The following SEM1 variants were observed in gnomAD, a reference collection of about 807,000 sequenced individuals.
SEM1 encodes SEM1 26S proteasome subunit.
SEM1 carries 3 observed loss-of-function variants against 12.7 expected under a neutral mutation model. That is an observed-to-expected ratio of 0.24 (90% CI 0.11 to 0.61). The LOEUF (loss-of-function observed/expected upper bound fraction) is 0.61. SEM1 is among the 20% of genes least tolerant of loss of function. SEM1 has a pLI of 0.88. For synonymous variants in SEM1, 30 were observed against 27.8 expected, an observed-to-expected ratio of 1.08 and a Z score of -0.25; for missense variants, 59 against 81.3, an observed-to-expected ratio of 0.73 and a Z score of 1.06.
downstream of SEM1, among the ~76,000 whole-genome samples, chr7:96,669,403 A>T (rs1184013646): frequency 6.6e-6 from 1 of 152,184 alleles, no homozygotes; most frequent in Non-Finnish European, 1.5e-5. Context: ...GTTCCATCAA[A>T]CTTTATTTAT....
upstream of SEM1, among the ~76,000 whole-genome samples, chr7:96,497,327 G>A (rs553862324): frequency 1.1e-4 from 17 of 151,952 alleles, no homozygotes; most frequent in Non-Finnish European, 2.2e-4. Flanking sequence ...CATACCTTAA[G>A]CAGGATTTTA....
intron 2 of SEM1, among the ~76,000 whole-genome samples, chr7:96,677,771 A>T (rs1009801295): frequency 1.3e-5 from 2 of 152,030 alleles, no homozygotes; most frequent in Non-Finnish European, 2.9e-5. Flanking sequence ...AGGGTGGGGA[A>T]GGGGAGTAGG....
At chr7:96,701,233 C>T (rs951705484) in intron 1 of SEM1, among the ~76,000 whole-genome samples, 1 of 151,960 alleles carries the variant, frequency 6.6e-6, no homozygotes, top group Admixed American at 6.6e-5. Context: ...AATCTTTGTA[C>T]CCTGGCCCCC....
chr7:96,672,151 T>G (rs1382632818), downstream of SEM1, among the ~76,000 whole-genome samples: 1 of 152,174 alleles, frequency 6.6e-6, no homozygotes, highest in Admixed American at 6.5e-5. Flanking sequence ...CACCCAGTGA[T>G]TCTTCTCAGG....
chr7:96,670,655 T>G (rs971071580), downstream of SEM1, among the ~76,000 whole-genome samples: 16 of 152,208 alleles, frequency 1.1e-4, no homozygotes, highest in African/African-American at 1.7e-4. Context: ...ACTGAAGCAT[T>G]CTTTTGGCAA....
intron 2 of SEM1, among the ~76,000 whole-genome samples, chr7:96,546,119 G>A (rs973622514): frequency 6.6e-5 from 10 of 152,038 alleles, no homozygotes; most frequent in African/African-American, 2.4e-4. Context: ...AGCCAAACCT[G>A]CCAATCATGT....
chr7:96,568,155 T>C (rs544608407), intron 2 of SEM1, among the ~76,000 whole-genome samples: 2 of 151,908 alleles, frequency 1.3e-5, no homozygotes, highest in East Asian at 3.9e-4. Flanking sequence ...TTGAACAACT[T>C]TTATAATTTC....
intron 2 of SEM1, among the ~76,000 whole-genome samples, chr7:96,517,406 GTTGCCATTATACTC>G (rs1804129689): frequency 6.6e-6 from 1 of 152,086 alleles, no homozygotes; most frequent in Admixed American, 6.6e-5. Context: ...TTTAAAAAAT[GTTGCCATTATACTC>G]TAGACATGGA....
downstream of SEM1, among the ~76,000 whole-genome samples, chr7:96,670,034 C>G (rs1447139231): frequency 6.6e-6 from 1 of 152,042 alleles, no homozygotes; most frequent in African/African-American, 2.4e-5. Flanking sequence ...CATAACTGAG[C>G]CAGGAGTAAA....
downstream of SEM1, among the ~76,000 whole-genome samples, chr7:96,619,583 G>C (rs568893342): frequency 5.9e-5 from 9 of 152,206 alleles, no homozygotes; most frequent in African/African-American, 2.2e-4. Context: ...CAGGTGGCTT[G>C]CTTGGAAGCT....
intron 2 of SEM1, among the ~76,000 whole-genome samples, chr7:96,656,050 TC>T (rs1447703079): frequency 6.6e-6 from 1 of 152,140 alleles, no homozygotes; most frequent in Non-Finnish European, 1.5e-5. Flanking sequence ...GTCCTTTTGC[TC>T]CCATGCCTCC....
chr7:96,655,416 A>G (rs540651979), intron 2 of SEM1, among the ~76,000 whole-genome samples: 38 of 148,484 alleles, frequency 2.6e-4, no homozygotes, highest in Non-Finnish European at 4.8e-4. Flanking sequence ...ACTAAAGTAT[A>G]TTTGACATAA....
At chr7:96,576,479 T>G (rs1806206656) in intron 2 of SEM1, among the ~76,000 whole-genome samples, 1 of 152,202 alleles carries the variant, frequency 6.6e-6, no homozygotes, top group Non-Finnish European at 1.5e-5. Context: ...GTGTTCACTT[T>G]ACTTTGCTTT....
chr7:96,547,380 G>T (rs909642031), intron 2 of SEM1, among the ~76,000 whole-genome samples: 3 of 152,164 alleles, frequency 2.0e-5, no homozygotes, highest in African/African-American at 7.2e-5. Context: ...TCCTGGGAAT[G>T]AATAGAGTAT....
chr7:96,573,523 T>C (rs1806107388), intron 2 of SEM1, among the ~76,000 whole-genome samples: 1 of 152,230 alleles, frequency 6.6e-6, no homozygotes, highest in Non-Finnish European at 1.5e-5. Context: ...CCTTCACTTA[T>C]GAAACTTAGT....
At chr7:96,486,823 G>C (rs1186577467) in intron 1 of SEM1, among the ~76,000 whole-genome samples, 1 of 152,168 alleles carries the variant, frequency 6.6e-6, no homozygotes, top group Admixed American at 6.5e-5. Context: ...TTAAACAAAG[G>C]CAAATTTTCC....
At chr7:96,661,518 G>GT (rs914419262) in intron 2 of SEM1, among the ~76,000 whole-genome samples, 6 of 152,178 alleles carry the variant, frequency 3.9e-5, no homozygotes, top group African/African-American at 1.4e-4. Context: ...CCTACCAGAT[G>GT]TAAGGACTTG....
At chr7:96,524,080 T>C (rs1804369650) in intron 2 of SEM1, among the ~76,000 whole-genome samples, 1 of 152,140 alleles carries the variant, frequency 6.6e-6, no homozygotes, top group Non-Finnish European at 1.5e-5. Flanking sequence ...TTATGTAGAC[T>C]TTTTGGACAT....
exon 3 of SEM1, chr7:96,484,827 T>C (rs1442435693): frequency 7.8e-7 from 1 of 1,287,866 alleles, no homozygotes. Flanking sequence ...TCCATTACCT[T>C]GCCCACTTCT....
Sources: allele counts gnomAD v4.1 joint callset (sites outside exome capture counted in the v4.1 genomes callset), GRCh38; gene constraint gnomAD v4.1.1; transcripts MANE v1.5; gene names NCBI Gene and HGNC (gene_info 2026-07-23, HGNC 2026-07-21).